CHIC2: variants seen among roughly 807,000 people sequenced by gnomAD.
The protein encoded by CHIC2 is cysteine rich hydrophobic domain 2.
In CHIC2, 14 loss-of-function variants were observed where a neutral mutation model predicts 25.9. That is an observed-to-expected ratio of 0.54 (90% CI 0.36 to 0.85). The LOEUF is 0.85. Among genes scored for constraint, CHIC2 ranks in the 40% least tolerant of loss-of-function variants. CHIC2 has a pLI of 0.01. For missense variants in CHIC2, 146 were observed against 202.0 expected (o/e 0.72, Z 1.68); for synonymous variants, 70 against 72.0 (o/e 0.97, Z 0.14).
rs139143916 is a variant in CHIC2 at position 54,014,258 on chromosome 4, A to G, written c.331-139T>C. On this transcript the variant is annotated intron_variant, in intron 3 of 5. Transcript: ENST00000263921. ...TGGTGTGCATCACTATCGATGTTCT[A>G]AGCACTAAATGGTAACCTGAACACA... 469 of 643,112 alleles carry G rather than the reference A, an allele frequency of 7.3e-4. 4 individuals carry two copies. In the East Asian group the frequency reaches 0.013, roughly 18 times the overall value. The allele number at this position is 643,112 out of a possible 1,614,324, so 39.8% of individuals were successfully genotyped here. A position where few individuals can be genotyped will look rare whatever the true frequency, so the allele number is the denominator to read the frequency against.
intron 3 of CHIC2, among the ~76,000 whole-genome samples, chr4:54,032,260 T>TCCTTCC (rs1716250124): frequency 7.2e-6 from 1 of 139,788 alleles, no homozygotes. Flanking sequence ...GTGTATCCTC[T>TCCTTCC]CCCTCCCCCT....
chr4:54,058,559 TACACACACACACACACACACACAC>T (rs36034143), intron 1 of CHIC2, among the ~76,000 whole-genome samples: 2 of 138,478 alleles, frequency 1.4e-5, no homozygotes, highest in Non-Finnish European at 3.2e-5. Context: ...TACACACACA[TACACACACACACACACACACACAC>T]ACACACACAC....
rs779365783 is a variant in CHIC2 at position 54,064,143 on chromosome 4, A to T, written c.119+39T>A. 7.1e-6 allele frequency: 11 copies of T among 1,557,502 alleles called. No individual in the cohort carries two copies. The highest frequency in any genetic ancestry group is 9.6e-6 in the Non-Finnish European group (11 of 1,143,892). On this transcript the variant is annotated intron_variant, in intron 1 of 5. Coordinates refer to ENST00000263921, the MANE Select transcript of CHIC2 (RefSeq NM_012110.4). The surrounding 1 kb of genome is among the most constrained non-coding windows in gnomAD (Gnocchi z 4.2). ...CCCGTGGAGTAACGGGGCCCACCCC[A>T]GCCCGCACCTCCCGCCCTCGCCCTC... is the stretch of plus-strand genomic sequence containing the variant.
chr4:54,064,662 T>G, upstream of CHIC2: 3 of 1,039,838 alleles, frequency 2.9e-6, no homozygotes, highest in Non-Finnish European at 2.3e-6. The surrounding 1 kb of genome is among the most constrained non-coding windows in gnomAD (Gnocchi z 4.2). Flanking sequence ...ATCGCGAGAC[T>G]TCCCGGGCCA....
At chr4:54,072,346 A>C in the CHIC2 span, among the ~76,000 whole-genome samples, 1 of 152,062 alleles carries the variant, frequency 6.6e-6, no homozygotes, top group Non-Finnish European at 1.5e-5. Context: ...ATAAATATAA[A>C]ATACTTAGTT....
chr4:54,057,464 G>C (rs980507954), intron 1 of CHIC2, among the ~76,000 whole-genome samples: 12 of 152,106 alleles, frequency 7.9e-5, no homozygotes, highest in Non-Finnish European at 1.8e-4. Flanking sequence ...CTGTTCTCCA[G>C]ATCCAGGGGC....
intron 5 of CHIC2, among the ~76,000 whole-genome samples, chr4:54,011,418 T>C (rs1420552677): frequency 6.6e-6 from 1 of 152,196 alleles, no homozygotes; most frequent in Non-Finnish European, 1.5e-5. Flanking sequence ...ACTAGCTTCT[T>C]CATTTGAGCT....
upstream of CHIC2, among the ~76,000 whole-genome samples, chr4:54,067,034 C>T (rs1717533314): frequency 6.6e-6 from 1 of 152,284 alleles, no homozygotes; most frequent in East Asian, 1.9e-4. Flanking sequence ...ACAGTTCCTG[C>T]TTCAGAAAAG....
intron 3 of CHIC2, among the ~76,000 whole-genome samples, chr4:54,029,076 T>C (rs1365481032): frequency 1.4e-5 from 2 of 148,128 alleles, no homozygotes; most frequent in African/African-American, 5.0e-5. Context: ...TGAGCCAACA[T>C]CGCGCCACCG....
At chr4:54,021,627 A>AT (rs1270705119) in intron 3 of CHIC2, among the ~76,000 whole-genome samples, 1 of 152,138 alleles carries the variant, frequency 6.6e-6, no homozygotes, top group African/African-American at 2.4e-5. Context: ...AGCTGAAGGC[A>AT]TAGTCAAGGT....
chr4:54,036,477 G>A (rs1372914890), intron 3 of CHIC2, among the ~76,000 whole-genome samples: 3 of 152,118 alleles, frequency 2.0e-5, no homozygotes, highest in Non-Finnish European at 4.4e-5. Flanking sequence ...GGAGCAACGG[G>A]GTTGGGGGAG....
At chr4:54,022,124 C>G (rs530180025) in intron 3 of CHIC2, among the ~76,000 whole-genome samples, 2 of 152,202 alleles carry the variant, frequency 1.3e-5, no homozygotes, top group South Asian at 4.1e-4. Flanking sequence ...CCCTGCAGCC[C>G]GGGATTCCTC....
At chr4:54,019,895 TA>T (rs11441353) in intron 3 of CHIC2, among the ~76,000 whole-genome samples, 35 of 150,980 alleles carry the variant, frequency 2.3e-4, no homozygotes, top group Non-Finnish European at 4.0e-4. Context: ...CTATTATTGT[TA>T]AAAAAAAATT....
At chr4:54,022,053 G>A in intron 3 of CHIC2, among the ~76,000 whole-genome samples, 1 of 152,110 alleles carries the variant, frequency 6.6e-6, no homozygotes, top group Non-Finnish European at 1.5e-5. Flanking sequence ...GGTTCCTCCA[G>A]AACCTCTTCC....
At chr4:54,039,893 G>C (rs1391656907) in intron 3 of CHIC2, among the ~76,000 whole-genome samples, 1 of 152,034 alleles carries the variant, frequency 6.6e-6, no homozygotes, top group Non-Finnish European at 1.5e-5. Flanking sequence ...AAAGAAAATA[G>C]ATGAATCTCA....
At chr4:54,020,696 C>G (rs1247495195) in intron 3 of CHIC2, among the ~76,000 whole-genome samples, 2 of 152,194 alleles carry the variant, frequency 1.3e-5, no homozygotes, top group Admixed American at 6.5e-5. Flanking sequence ...TCTCGCTACC[C>G]TTCAATCTCC....
rs769466891 is a variant in CHIC2 at position 54,010,089 on chromosome 4, T to C, written c.*6A>G. The C allele has an allele frequency of 2.1e-5, 33 of 1,590,086 alleles. No individual in the cohort carries two copies. The highest frequency in any genetic ancestry group is 2.8e-5 in the Non-Finnish European group (33 of 1,159,672). On this transcript the variant is annotated 3_prime_UTR_variant, in exon 6 of 6. Transcript: ENST00000263921. ...ACTTGGAAAGTCTCTATAAATAAAG[T>C]AAATGCTAATCTGGTCGAAAAATCG...
chr4:54,086,341 T>A, the CHIC2 span, among the ~76,000 whole-genome samples: 1 of 152,048 alleles, frequency 6.6e-6, no homozygotes, highest in East Asian at 1.9e-4. Context: ...TTGAAATCAG[T>A]GCAAATCCAT....
At chr4:54,024,803 T>A (rs1490432161) in intron 3 of CHIC2, among the ~76,000 whole-genome samples, 1 of 152,190 alleles carries the variant, frequency 6.6e-6, no homozygotes, top group East Asian at 1.9e-4. Context: ...TTTTTCTCCT[T>A]CTTTTATTCA....
Sources: gnomAD v4.1 joint callset for allele counts (sites outside exome capture counted in the v4.1 genomes callset) on GRCh38, gnomAD v4.1.1 for gene constraint, Gnocchi (gnomAD v3.1) non-coding constraint, MANE v1.5 for transcripts, NCBI Gene and HGNC (gene_info 2026-07-23, HGNC 2026-07-21) for gene names.